GABRR2: variants seen among roughly 807,000 people sequenced by gnomAD.
The protein encoded by GABRR2 is gamma-aminobutyric acid receptor subunit rho-2.
Under a neutral mutation model 47.0 loss-of-function variants are expected in GABRR2, and 36 were observed. The ratio of observed to expected loss-of-function variants is 0.77; its 90% CI spans 0.59 to 1.01. The LOEUF (loss-of-function observed/expected upper bound fraction) is 1.01. Ranked by LOEUF, GABRR2 falls within the 50% of genes least tolerant of loss-of-function variation. The pLI, the probability that GABRR2 is intolerant of heterozygous loss-of-function variation, is 0.00. For missense variants in GABRR2, 587 were observed against 594.6 expected (o/e 0.99, Z 0.13); for synonymous variants, 204 against 227.5 (o/e 0.90, Z 0.93).
intron 2 of GABRR2, among the ~76,000 whole-genome samples, chr6:89,279,391 A>G (rs1401340798): frequency 1.3e-5 from 2 of 152,066 alleles, no homozygotes; most frequent in South Asian, 4.1e-4. Flanking sequence ...GTGTGTGTGC[A>G]TGCATGCGGG....
intron 2 of GABRR2, among the ~76,000 whole-genome samples, chr6:89,274,994 T>C (rs1418837042): frequency 1.3e-5 from 2 of 152,306 alleles, no homozygotes; most frequent in East Asian, 3.9e-4. Context: ...CAAGGCAGCA[T>C]AAGGGAAATA....
chr6:89,257,432 T>A lies in GABRR2; in HGVS notation c.*238A>T, dbSNP rs1438001046. ...TTAGTTCACACACAAGAACAGAAGG[T>A]CCCAGAGAGATGTGAAGTGTGACGC... is the stretch of plus-strand genomic sequence containing the variant. On this transcript the variant is annotated 3_prime_UTR_variant, in exon 9 of 9. Transcript: ENST00000402938. The A allele has an allele frequency of 1.9e-6, 1 of 538,910 alleles. No homozygotes were observed. The highest frequency in any genetic ancestry group is 1.9e-5 in the African/African-American group (1 of 52,836). 33.4% of individuals were successfully genotyped at this position (538,910 alleles called of 1,614,324 possible).
intron 2 of GABRR2, among the ~76,000 whole-genome samples, chr6:89,290,408 G>A (rs570294580): frequency 1.2e-4 from 19 of 152,348 alleles, no homozygotes; most frequent in African/African-American, 3.8e-4. Flanking sequence ...CCACCTCTCA[G>A]GACCAGGGGC....
At position 89,294,168 on chromosome 6, in the gene GABRR2, CAG is replaced by C. The variant is rs1258304606; in HGVS notation, c.220+5589_220+5590del. Among the ~76,000 whole-genome samples the C allele has an allele frequency of 3.9e-5, 6 of 151,990 alleles. No homozygotes were observed. The East Asian group carries it at 1.2e-3, about 29-fold the overall frequency. ...CGATAATTTTTCGTTGTTTTTGAGC[CAG>C]AGTCTCACTCGTCGCCCAGGCTGGA... On this transcript the variant is annotated intron_variant, in intron 2 of 8. Transcript: ENST00000402938.
intron 8 of GABRR2, among the ~76,000 whole-genome samples, chr6:89,258,556 A>AAT (rs1331510917): frequency 8.4e-6 from 1 of 119,638 alleles, no homozygotes; most frequent in Non-Finnish European, 1.8e-5. Flanking sequence ...AAAAAAAAAA[A>AAT]AAATGTTTTT....
At chr6:89,263,087 A>C (rs1181977290) in intron 8 of GABRR2, among the ~76,000 whole-genome samples, 3 of 152,140 alleles carry the variant, frequency 2.0e-5, no homozygotes, top group Non-Finnish European at 4.4e-5. Flanking sequence ...AACTGTGCAG[A>C]TCCACTTAGA....
chr6:89,266,110 T>G (rs1773889191), intron 6 of GABRR2, among the ~76,000 whole-genome samples: 1 of 152,224 alleles, frequency 6.6e-6, no homozygotes, highest in African/African-American at 2.4e-5. Context: ...TAGCCCAGGC[T>G]GGAGTACAGT....
chr6:89,306,628 T>G (rs752431856), intron 1 of GABRR2, among the ~76,000 whole-genome samples: 2 of 152,150 alleles, frequency 1.3e-5, no homozygotes, highest in Non-Finnish European at 2.9e-5. Context: ...CCCTGGTCAG[T>G]CCTTCCTCTA....
At chr6:89,311,822 G>A (rs10944441) in intron 1 of GABRR2, among the ~76,000 whole-genome samples, 32,703 of 152,074 alleles carry the variant, frequency 0.22, 3,665 homozygotes, top group African/African-American at 0.29. Context: ...CTGGAGAAAC[G>A]GAGGTTCAGA....
At chr6:89,284,302 C>T (rs2127841251) in intron 2 of GABRR2, among the ~76,000 whole-genome samples, 1 of 152,254 alleles carries the variant, frequency 6.6e-6, no homozygotes, top group South Asian at 2.1e-4. Context: ...AAGACTTGTG[C>T]ACCTTACATA....
At chr6:89,298,586 G>C (rs1320188799) in intron 2 of GABRR2, among the ~76,000 whole-genome samples, 1 of 152,188 alleles carries the variant, frequency 6.6e-6, no homozygotes, top group Admixed American at 6.5e-5. Flanking sequence ...GCCTGGGTCT[G>C]TCTTGGCCAA....
At chr6:89,302,657 C>T (rs1225798229) in intron 1 of GABRR2, 27 of 1,290,960 alleles carry the variant, frequency 2.1e-5, no homozygotes, top group Non-Finnish European at 2.6e-5. Flanking sequence ...ATGCCAAGAA[C>T]ATGATGGCTG....
chr6:89,262,360 A>G (rs1278230646), intron 8 of GABRR2, among the ~76,000 whole-genome samples: 1 of 152,180 alleles, frequency 6.6e-6, no homozygotes, highest in Non-Finnish European at 1.5e-5. Flanking sequence ...ATAAATATTC[A>G]TAAATCTTCC....
At chr6:89,302,934 C>G in intron 1 of GABRR2, 1 of 1,187,642 alleles carries the variant, frequency 8.4e-7, no homozygotes, top group Non-Finnish European at 1.2e-6. Context: ...TGTTCCAGCA[C>G]AAGGCCTTCC....
At chr6:89,292,742 A>ATCAG (rs559393643) in intron 2 of GABRR2, among the ~76,000 whole-genome samples, 2 of 98,258 alleles carry the variant, frequency 2.0e-5, no homozygotes, top group East Asian at 2.6e-4. Context: ...TATCATATAT[A>ATCAG]ATCGTATATA....
rs1463608107 is a variant in GABRR2, at chr6:89,257,663, G to A, written c.*7C>T. On this transcript the variant is annotated 3_prime_UTR_variant, in exon 9 of 9. Transcript: ENST00000402938. ...TATGCCCTCTTCTAGGAACAGCCTT[G>A]GAGCCCCTAGGAAAACACTGACCAA... 6.2e-7 allele frequency: 1 copy of A among 1,605,392 alleles called. No homozygotes were observed. The highest frequency in any genetic ancestry group is 1.7e-5 in the Admixed American group (1 of 59,250).
chr6:89,266,104 C>T (rs763397058), intron 6 of GABRR2, among the ~76,000 whole-genome samples: 1 of 152,088 alleles, frequency 6.6e-6, no homozygotes, highest in Non-Finnish European at 1.5e-5. Flanking sequence ...GCTCTGTAGC[C>T]CAGGCTGGAG....
intron 1 of GABRR2, among the ~76,000 whole-genome samples, chr6:89,311,524 C>G (rs1413837098): frequency 2.6e-5 from 4 of 152,186 alleles, no homozygotes; most frequent in African/African-American, 9.7e-5. Flanking sequence ...TAGACTCCTT[C>G]CTGAGCCCCC....
chr6:89,302,983 A>G, intron 1 of GABRR2: 1 of 1,301,714 alleles, frequency 7.7e-7, no homozygotes, highest in Non-Finnish European at 1.1e-6. Context: ...CGAGATGGAG[A>G]TCACCGAGGC....
Sources: gnomAD v4.1 joint callset for allele counts (sites outside exome capture counted in the v4.1 genomes callset) on GRCh38, gnomAD v4.1.1 for gene constraint, MANE v1.5 for transcripts, NCBI Gene and HGNC (gene_info 2026-07-23, HGNC 2026-07-21) for gene names.